CLYBL: variants seen among roughly 807,000 people sequenced by gnomAD.
CLYBL encodes citramalyl-CoA lyase, mitochondrial.
A neutral mutation model predicts 38.9 loss-of-function variants in CLYBL; 31 were observed. The ratio of observed to expected loss-of-function variants is 0.80; its 90% CI spans 0.60 to 1.08. CLYBL has a LOEUF of 1.08. Among genes scored for constraint, CLYBL ranks in the 50% least tolerant of loss-of-function variants. The pLI is 0.00. For synonymous variants in CLYBL, 171 were observed against 158.6 expected (o/e 1.08, Z -0.59); for missense variants, 434 against 411.6 (o/e 1.05, Z -0.47).
chr13:99,719,503 A>AAT (rs1202843797), intron 1 of CLYBL, among the ~76,000 whole-genome samples: 20 of 150,654 alleles, frequency 1.3e-4, no homozygotes, highest in African/African-American at 4.1e-4. Context: ...ATCACCTGAC[A>AAT]ATATATATAT....
intron 1 of CLYBL, among the ~76,000 whole-genome samples, chr13:99,764,337 T>A (rs898671685): frequency 1.3e-5 from 2 of 152,206 alleles, no homozygotes; most frequent in Non-Finnish European, 2.9e-5. Flanking sequence ...TTTAAATGTT[T>A]GGTAGGATGC....
At chr13:99,819,440 ATATATATATATATATATATATATATAT>A (rs1566340128) in intron 2 of CLYBL, among the ~76,000 whole-genome samples, 6 of 107,154 alleles carry the variant, frequency 5.6e-5, no homozygotes, top group South Asian at 6.5e-4. Flanking sequence ...ATATATATAT[ATATATATATATATATATATATATATAT>A]AATATTTGTC....
intron 8 of CLYBL, among the ~76,000 whole-genome samples, chr13:99,904,583 A>T (rs1055527886): frequency 3.3e-5 from 5 of 152,316 alleles, no homozygotes; most frequent in African/African-American, 4.8e-5. Context: ...AATCAGCCAC[A>T]CGTGTATGGA....
intron 2 of CLYBL, among the ~76,000 whole-genome samples, chr13:99,840,548 A>G (rs1053691236): frequency 6.6e-6 from 1 of 152,050 alleles, no homozygotes; most frequent in African/African-American, 2.4e-5. Flanking sequence ...GCTTGGGCAC[A>G]AGAGTTAGAG....
chr13:99,733,920 C>A (rs529347378), intron 1 of CLYBL, among the ~76,000 whole-genome samples: 25 of 152,218 alleles, frequency 1.6e-4, no homozygotes, highest in Non-Finnish European at 3.1e-4. Flanking sequence ...CAGATGTTGT[C>A]TCACCATCTT....
At chr13:99,781,872 A>G (rs942292569) in intron 2 of CLYBL, among the ~76,000 whole-genome samples, 2 of 152,240 alleles carry the variant, frequency 1.3e-5, no homozygotes, top group African/African-American at 4.8e-5. Context: ...AAATTTTACT[A>G]AGCACGCTTA....
At chr13:99,812,813 AGC>A (rs2050368648) in intron 2 of CLYBL, among the ~76,000 whole-genome samples, 1 of 152,214 alleles carries the variant, frequency 6.6e-6, no homozygotes, top group African/African-American at 2.4e-5. Flanking sequence ...ACCAATACCC[AGC>A]CTCTGGATGG....
intron 2 of CLYBL, among the ~76,000 whole-genome samples, chr13:99,811,678 A>G (rs2050345379): frequency 6.6e-6 from 1 of 152,162 alleles, no homozygotes; most frequent in Non-Finnish European, 1.5e-5. Flanking sequence ...CAGTCCCCAC[A>G]CGACCTCCAG....
rs1215040456 is a variant in CLYBL, at chr13:99,731,540, T to A, written c.63-41284T>A. On this transcript the variant is annotated intron_variant, in intron 1 of 8. Transcript: ENST00000339105. ...AAAGGCCAAAGAATGCCTCAAAGCA[T>A]TGAAATAAAACTTACTGATGGTTTC... Among the ~76,000 whole-genome samples the A allele has an allele frequency of 4.0e-5, 6 of 150,140 alleles. No individual in the cohort carries two copies. The East Asian group carries it at 1.2e-3, about 29-fold the overall frequency.
intron 2 of CLYBL, among the ~76,000 whole-genome samples, chr13:99,784,447 CTCTTTTTT>C (rs201267391): frequency 0.22 from 21,489 of 99,310 alleles, 2,453 homozygotes; most frequent in East Asian, 0.39. Context: ...GGAAAATTCT[CTCTTTTTT>C]TTTTTTTTTT....
At chr13:99,793,789 T>G (rs2049966762) in intron 2 of CLYBL, among the ~76,000 whole-genome samples, 1 of 151,286 alleles carries the variant, frequency 6.6e-6, no homozygotes. Flanking sequence ...TCCAATTAAG[T>G]AAGACTGAGT....
chr13:99,808,824 T>C (rs1319147039), intron 2 of CLYBL, among the ~76,000 whole-genome samples: 1 of 152,248 alleles, frequency 6.6e-6, no homozygotes, highest in Non-Finnish European at 1.5e-5. Context: ...ATCTTTTCCA[T>C]GTTGAAAAGC....
chr13:99,885,579 A>T (rs1220464065), intron 7 of CLYBL, among the ~76,000 whole-genome samples: 4 of 152,026 alleles, frequency 2.6e-5, no homozygotes, highest in Non-Finnish European at 4.4e-5. Flanking sequence ...GAAAAGTGCC[A>T]CTCCCTATAA....
At chr13:99,719,150 C>A (rs1268223563) in intron 1 of CLYBL, among the ~76,000 whole-genome samples, 2 of 134,082 alleles carry the variant, frequency 1.5e-5, no homozygotes, top group East Asian at 4.3e-4. Context: ...CCACACAAGG[C>A]CTATTTTTTT....
At chr13:99,746,965 A>T (rs573097684) in intron 1 of CLYBL, among the ~76,000 whole-genome samples, 5 of 152,210 alleles carry the variant, frequency 3.3e-5, no homozygotes, top group Non-Finnish European at 7.3e-5. Flanking sequence ...TGCTAATCGC[A>T]TTGTGTGCCT....
chr13:99,873,070 A>G (rs1293670080), intron 7 of CLYBL, among the ~76,000 whole-genome samples: 1 of 152,140 alleles, frequency 6.6e-6, no homozygotes, highest in Non-Finnish European at 1.5e-5. Context: ...ACTATTAGGT[A>G]ATTTCTTCCC....
intron 2 of CLYBL, among the ~76,000 whole-genome samples, chr13:99,802,914 C>T (rs1049016938): frequency 4.6e-5 from 7 of 152,184 alleles, no homozygotes; most frequent in African/African-American, 1.7e-4. Context: ...GCTTACCGTT[C>T]ACACTAGACT....
chr13:99,694,277 C>T (rs1438276095), intron 1 of CLYBL, among the ~76,000 whole-genome samples: 1 of 152,198 alleles, frequency 6.6e-6, no homozygotes, highest in East Asian at 1.9e-4. Flanking sequence ...AGAAAAACAT[C>T]AGTCATTGAG....
At chr13:99,705,425 A>T (rs907088284) in intron 1 of CLYBL, among the ~76,000 whole-genome samples, 58 of 152,178 alleles carry the variant, frequency 3.8e-4, no homozygotes, top group African/African-American at 1.3e-3. Context: ...TACTAAAAGT[A>T]TGAAATTAGC....
Sources: allele counts gnomAD v4.1 joint callset (sites outside exome capture counted in the v4.1 genomes callset), GRCh38; gene constraint gnomAD v4.1.1; transcripts MANE v1.5; gene names NCBI Gene and HGNC (gene_info 2026-07-23, HGNC 2026-07-21).